The following PIBF1 variants were observed in gnomAD, a reference collection of about 807,000 sequenced individuals.
PIBF1 encodes progesterone immunomodulatory binding factor 1, also known as progesterone-induced-blocking factor 1.
PIBF1 carries 90 observed loss-of-function variants against 112.5 expected under a neutral mutation model. The ratio of observed to expected loss-of-function variants is 0.80; its 90% CI spans 0.67 to 0.95. PIBF1 has a LOEUF of 0.95. Ranked by LOEUF, PIBF1 falls within the 40% of genes least tolerant of loss-of-function variation. The pLI, the probability that PIBF1 is intolerant of heterozygous loss-of-function variation, is 0.00. For missense variants in PIBF1, 915 were observed against 852.3 expected (o/e 1.07, Z -0.92); for synonymous variants, 301 against 288.6 (o/e 1.04, Z -0.44).
rs528697307 is a variant in PIBF1 at position 72,854,139 on chromosome 13, G to A, written c.1306G>A (p.Asp436Asn). ...MAEKDALEKH[D>N]QLLDRYRELQ... is the part of the protein sequence containing the mutation. ...TGAAAAGGATGCTTTAGAAAAACAC[G>A]ATCAGCTCTTAGACAGGTAAGCATC... is the stretch of plus-strand genomic sequence containing the variant. The change falls in exon 10 of 18, where the codon GAT becomes AAT. Residue 436 changes from aspartate to asparagine, a missense_variant. Physicochemically the swap from Asp to Asn is conservative, Grantham distance 23 (BLOSUM62 1). Coordinates refer to ENST00000326291, the MANE Select transcript of PIBF1 (RefSeq NM_006346.4). 9 of 1,605,854 alleles carry A rather than the reference G, an allele frequency of 5.6e-6. No individual in the cohort carries two copies. Among genetic ancestry groups the A allele is most frequent in the South Asian group, 4.4e-5 (4 of 90,842 alleles).
At chr13:72,970,632 AAGAT>A (rs1470879060) in intron 15 of PIBF1, 7 of 152,210 alleles carry the variant, frequency 4.6e-5, no homozygotes, top group Admixed American at 3.9e-4. Flanking sequence ...TATACCATTC[AAGAT>A]AGATGTGCTT....
rs947585828 is a variant in PIBF1, at chr13:72,783,501, A to C, written c.32A>C (p.Lys11Thr). MSRKISKESKKVNISSSLESE... is the reference protein window; with the variant it reads MSRKISKESKTVNISSSLESE... ...CGAAAAATTTCAAAGGAGTCAAAAA[A>C]AGTGAACATCTCTAGTTCTCTGGAA... The change falls in exon 2 of 18, where the codon AAA (lysine) becomes ACA (threonine). Residue 11 changes from lysine to threonine, a missense_variant. Transcript: ENST00000326291. The C allele has an allele frequency of 3.1e-6, 5 of 1,606,804 alleles. No homozygotes were observed. In the African/African-American group the frequency reaches 5.4e-5, roughly 17 times the overall value.
At chr13:72,835,997 G>C (rs2037342379) in intron 9 of PIBF1, 1 of 345,400 alleles carries the variant, frequency 2.9e-6, no homozygotes, top group Non-Finnish European at 5.7e-6. Flanking sequence ...TACTCGGGAG[G>C]CTGAGGCAGG....
chr13:72,806,963 A>G (rs9530100), intron 5 of PIBF1, among the ~76,000 whole-genome samples: 15,531 of 150,416 alleles, frequency 0.1, 1,085 homozygotes, highest in Non-Finnish European at 0.15. Context: ...TGTCTTTCAC[A>G]GTCAGGTTGA....
chr13:73,004,416 A>G (rs1297045867), intron 17 of PIBF1, among the ~76,000 whole-genome samples: 1 of 151,446 alleles, frequency 6.6e-6, no homozygotes, highest in African/African-American at 2.4e-5. Flanking sequence ...ACTTGAACCC[A>G]GGAGGCGGAG....
intron 5 of PIBF1, among the ~76,000 whole-genome samples, chr13:72,821,165 G>A (rs1201307406): frequency 2.0e-5 from 3 of 152,180 alleles, no homozygotes; most frequent in Non-Finnish European, 4.4e-5. Flanking sequence ...GGGTTGGAGG[G>A]TGAAGTGTGA....
chr13:72,927,334 C>A (rs1262285398), intron 13 of PIBF1, among the ~76,000 whole-genome samples: 1 of 152,116 alleles, frequency 6.6e-6, no homozygotes, highest in African/African-American at 2.4e-5. Flanking sequence ...GAAACCCTGT[C>A]TCTACTAAAA....
In PIBF1 at chr13:72,993,057, G is replaced by A. The variant is rs956477165; in HGVS notation, c.2050-5765G>A. 2.6e-5 allele frequency among the ~76,000 whole-genome samples: 4 copies of A among 152,216 alleles called. 1 individual carries two copies. The highest frequency in any genetic ancestry group is 9.6e-5 in the African/African-American group (4 of 41,462). On this transcript the variant is annotated intron_variant, in intron 16 of 17. Coordinates refer to ENST00000326291, the MANE Select transcript of PIBF1 (RefSeq NM_006346.4). ...CCCTAATATAAAAATCAGTAGGCCA[G>A]ATGCAGTGGCTCACGCCTGTAATCC... is the stretch of plus-strand genomic sequence containing the variant.
At chr13:72,925,651 C>T (rs2041456072) in intron 13 of PIBF1, among the ~76,000 whole-genome samples, 1 of 147,580 alleles carries the variant, frequency 6.8e-6, no homozygotes, top group Non-Finnish European at 1.5e-5. Flanking sequence ...AAGTGATTCT[C>T]CTGCCTCAGC....
rs1486142019 is a variant in PIBF1 at position 72,986,002 on chromosome 13, TAAAA to T, written c.2049+12328_2049+12331del. ...TCCATCTCTAGAAAAAAAAATTTTT[TAAAA>T]TAAATAATTAGCTAGATGTGGTGGC... is the stretch of plus-strand genomic sequence containing the variant. On this transcript the variant is annotated intron_variant, in intron 16 of 17. Coordinates refer to ENST00000326291, the MANE Select transcript of PIBF1 (RefSeq NM_006346.4). Among the ~76,000 whole-genome samples, 22 of 151,192 alleles carry T rather than the reference TAAAA, an allele frequency of 1.5e-4. No homozygotes were observed. The East Asian group carries it at 4.3e-3, about 29-fold the overall frequency.
chr13:72,926,078 C>G (rs1190371557), intron 13 of PIBF1, among the ~76,000 whole-genome samples: 1 of 151,966 alleles, frequency 6.6e-6, no homozygotes, highest in Non-Finnish European at 1.5e-5. Flanking sequence ...GGTCTTTGAT[C>G]CATTCTAATT....
rs139537209 is a variant in PIBF1, at chr13:72,847,712, T to G, written c.1224-6345T>G. ...TGTATAGCTTCTCCCAAGAAATTTA[T>G]TAAATAAGATTTCCACTTTGCTTAT... On this transcript the variant is annotated intron_variant, in intron 9 of 17. Transcript: ENST00000326291. 2.0e-5 allele frequency among the ~76,000 whole-genome samples: 3 copies of G among 152,360 alleles called. No individual in the cohort carries two copies. In the East Asian group the frequency reaches 5.8e-4, roughly 29 times the overall value.
chr13:72,845,339 A>G (rs1212168577), intron 9 of PIBF1, among the ~76,000 whole-genome samples: 1 of 152,132 alleles, frequency 6.6e-6, no homozygotes, highest in Non-Finnish European at 1.5e-5. Flanking sequence ...ATGGCTGTGT[A>G]GTATTCCATG....
intron 17 of PIBF1, among the ~76,000 whole-genome samples, chr13:73,014,724 T>A (rs572722248): frequency 6.6e-6 from 1 of 151,902 alleles, no homozygotes; most frequent in South Asian, 2.1e-4. Flanking sequence ...ACAGTCTTGC[T>A]CTGTTGTCCA....
intron 5 of PIBF1, among the ~76,000 whole-genome samples, chr13:72,807,421 A>G (rs1389105639): frequency 3.3e-5 from 5 of 152,170 alleles, no homozygotes; most frequent in African/African-American, 1.2e-4. Context: ...TTAAAAATAC[A>G]TAAATTAGTC....
Position 72,917,485 on chromosome 13 carries a change from C to CT in PIBF1, c.1730+330dup, listed in dbSNP as rs145646917. ...AATATTCAGATTAAAATTCATTGTGCTTTTTTTTTTTCTTTCTCTCATTTT... is the reference window on the plus strand; with the variant it reads ...AATATTCAGATTAAAATTCATTGTGCTTTTTTTTTTTTCTTTCTCTCATTTT... On this transcript the variant is annotated intron_variant, in intron 13 of 17. Coordinates refer to ENST00000326291, the MANE Select transcript of PIBF1 (RefSeq NM_006346.4). Among the ~76,000 whole-genome samples the CT allele has an allele frequency of 2.4e-3, 346 of 146,108 alleles. 2 individuals are homozygous for CT. The highest frequency in any genetic ancestry group is 7.7e-3 in the African/African-American group (310 of 40,124).
intron 1 of PIBF1, 72 bp from the exon 2 acceptor site, chr13:72,783,351 C>G (rs2034401916): frequency 5.8e-6 from 4 of 695,418 alleles, no homozygotes; most frequent in Non-Finnish European, 7.2e-6. Flanking sequence ...TCCTTAGTCT[C>G]TCTTTAATAC....
At chr13:72,907,892 T>C (rs1027846100) in intron 11 of PIBF1, among the ~76,000 whole-genome samples, 1 of 152,182 alleles carries the variant, frequency 6.6e-6, no homozygotes, top group Non-Finnish European at 1.5e-5. Flanking sequence ...TGAATTACCA[T>C]TGGAGTGTAG....
chr13:72,817,483 C>T (rs1258604593), intron 5 of PIBF1, among the ~76,000 whole-genome samples: 1 of 152,144 alleles, frequency 6.6e-6, no homozygotes, highest in African/African-American at 2.4e-5. Context: ...TTAATGTCCT[C>T]TTTTGTTCCT....
Sources: allele counts gnomAD v4.1 joint callset (sites outside exome capture counted in the v4.1 genomes callset), GRCh38; gene constraint gnomAD v4.1.1; transcripts MANE v1.5; gene names NCBI Gene and HGNC (gene_info 2026-07-23, HGNC 2026-07-21).